Variants in PACRG observed in about 807,000 individuals in gnomAD.
PACRG encodes the protein parkin coregulated gene protein.
A neutral mutation model predicts 29.7 loss-of-function variants in PACRG; 29 were observed. That is an observed-to-expected ratio of 0.98 (90% CI 0.73 to 1.33). The LOEUF is 1.33. Ranked by LOEUF, PACRG falls within the 40% of genes most tolerant of loss-of-function variation. The pLI, the probability that PACRG is intolerant of heterozygous loss-of-function variation, is 0.00. For missense variants in PACRG, 279 were observed against 316.2 expected (o/e 0.88, Z 0.89); for synonymous variants, 116 against 118.7 (o/e 0.98, Z 0.15).
chr6:163,215,571 G>C (rs1309891138), intron 4 of PACRG, among the ~76,000 whole-genome samples: 2 of 152,166 alleles, frequency 1.3e-5, no homozygotes, highest in African/African-American at 4.8e-5. Flanking sequence ...ATGCTCATGG[G>C]ACATCGAGGT....
At chr6:162,808,305 A>G (rs1400271956) in intron 1 of PACRG, among the ~76,000 whole-genome samples, 1 of 152,220 alleles carries the variant, frequency 6.6e-6, no homozygotes, top group Non-Finnish European at 1.5e-5. Flanking sequence ...TCAGAATTTC[A>G]GATTGAACCT....
At chr6:163,094,057 A>T (rs1442709242) in intron 4 of PACRG, among the ~76,000 whole-genome samples, 1 of 152,224 alleles carries the variant, frequency 6.6e-6, no homozygotes, top group Non-Finnish European at 1.5e-5. Context: ...ACCCTCCTTG[A>T]TAACCCTCCT....
intron 2 of PACRG, among the ~76,000 whole-genome samples, chr6:162,909,943 AC>A (rs1489555186): frequency 1.3e-5 from 2 of 152,208 alleles, no homozygotes; most frequent in Non-Finnish European, 2.9e-5. Flanking sequence ...CTCTGCAAAC[AC>A]GTATATGAAG....
At chr6:162,852,327 A>C (rs1019830388) in intron 2 of PACRG, among the ~76,000 whole-genome samples, 7 of 152,148 alleles carry the variant, frequency 4.6e-5, no homozygotes, top group African/African-American at 1.7e-4. Flanking sequence ...CATCTTTCTC[A>C]GACAACTCCC....
At chr6:163,250,629 G>T (rs1361529991) in intron 4 of PACRG, among the ~76,000 whole-genome samples, 3 of 152,182 alleles carry the variant, frequency 2.0e-5, no homozygotes, top group South Asian at 4.1e-4. Context: ...ACTAGAAGTA[G>T]AACTACCATT....
chr6:163,138,036 C>T (rs1040572291), intron 4 of PACRG, among the ~76,000 whole-genome samples: 2 of 152,184 alleles, frequency 1.3e-5, no homozygotes, highest in African/African-American at 4.8e-5. Flanking sequence ...GTGCCCAGAA[C>T]GACAGTACAT....
At chr6:163,040,734 G>A (rs1808616820) in intron 2 of PACRG, among the ~76,000 whole-genome samples, 1 of 152,186 alleles carries the variant, frequency 6.6e-6, no homozygotes, top group African/African-American at 2.4e-5. Context: ...TGGCTCCTTT[G>A]TTTTGGCTAA....
In PACRG at chr6:162,777,202, T is replaced by C. The variant is rs1265460862; in HGVS notation, c.157-36945T>C. Reference sequence around the variant, plus strand: ...TTCAGGGGCCTCTTCAAAAGTTCAGTATCAGACTCACTTGGCTCCCTCGTG... The same window carrying C: ...TTCAGGGGCCTCTTCAAAAGTTCAGCATCAGACTCACTTGGCTCCCTCGTG... On this transcript the variant is annotated intron_variant, in intron 1 of 4. Coordinates refer to ENST00000366888, the MANE Select transcript of PACRG (RefSeq NM_001080379.2). The surrounding 1 kb of genome is among the most constrained non-coding windows in gnomAD (Gnocchi z 4.0). 6.6e-6 allele frequency among the ~76,000 whole-genome samples: 1 copy of C among 152,232 alleles called. No homozygotes were observed. The highest frequency in any genetic ancestry group is 1.5e-5 in the Non-Finnish European group (1 of 68,046).
rs145772759 is a variant in PACRG at position 163,231,871 on chromosome 6, A to G, written c.614-82956A>G. Among the ~76,000 whole-genome samples, 459 of 152,356 alleles carry G rather than the reference A, an allele frequency of 3.0e-3. 2 individuals are homozygous for G. Among genetic ancestry groups the G allele is most frequent in the African/African-American group, 0.01 (433 of 41,580 alleles). On this transcript the variant is annotated intron_variant, in intron 4 of 4. Transcript: ENST00000366888. ...TGGCCATGATAAACAGCCTCACCCA[A>G]GAATGCTGAGCACGCAGTTACTGTA...
At chr6:163,003,793 A>C (rs562579110) in intron 2 of PACRG, among the ~76,000 whole-genome samples, 3 of 152,202 alleles carry the variant, frequency 2.0e-5, no homozygotes, top group Non-Finnish European at 2.9e-5. Context: ...ATTTAAATAC[A>C]TTAGCCTTAA....
intron 2 of PACRG, among the ~76,000 whole-genome samples, chr6:162,935,598 A>G (rs1798178946): frequency 6.6e-6 from 1 of 151,854 alleles, no homozygotes; most frequent in African/African-American, 2.4e-5. Flanking sequence ...TGGATAATGA[A>G]TTATTTTCCT....
At chr6:162,802,549 T>C (rs879520986) in intron 1 of PACRG, among the ~76,000 whole-genome samples, 1 of 152,216 alleles carries the variant, frequency 6.6e-6, no homozygotes, top group Non-Finnish European at 1.5e-5. Context: ...TTTTCCTATT[T>C]CCAGTTACCA....
At chr6:162,745,368 A>G (rs1016676398) in intron 1 of PACRG, among the ~76,000 whole-genome samples, 5 of 151,752 alleles carry the variant, frequency 3.3e-5, no homozygotes, top group African/African-American at 1.2e-4. Flanking sequence ...GGAACAACAC[A>G]CACAGGGGCC....
At chr6:162,863,243 G>A (rs1457000592) in intron 2 of PACRG, among the ~76,000 whole-genome samples, 2 of 152,196 alleles carry the variant, frequency 1.3e-5, no homozygotes, top group Non-Finnish European at 2.9e-5. Context: ...AAGTTACTAC[G>A]TGAATAAACA....
intron 2 of PACRG, among the ~76,000 whole-genome samples, chr6:162,886,814 A>G (rs1408861613): frequency 6.6e-6 from 1 of 152,196 alleles, no homozygotes; most frequent in East Asian, 1.9e-4. Flanking sequence ...CAAGAACCCA[A>G]AATTCTAGAT....
At chr6:163,014,859 C>A (rs1321545713) in intron 2 of PACRG, among the ~76,000 whole-genome samples, 1 of 152,024 alleles carries the variant, frequency 6.6e-6, no homozygotes, top group Non-Finnish European at 1.5e-5. Context: ...TTAATTAGAT[C>A]CATTTGTCAG....
Position 163,314,937 on chromosome 6 carries a change from A to C in PACRG, c.724A>C (p.Ile242Leu), listed in dbSNP as rs763261119. Residue 242 changes from isoleucine (I) to leucine (L), a missense_variant, in exon 5 of 5, where the codon ATC (isoleucine) becomes CTC (leucine). By Grantham distance (5) the Ile-to-Leu change is conservative (BLOSUM62 2). Transcript: ENST00000366888. Reference protein sequence around the residue: ...FERYGGENAFINIKYVVPTYE... With the variant: ...FERYGGENAFLNIKYVVPTYE... ...GCGCTACGGAGGAGAAAATGCCTTT[A>C]TCAACATTAAGTACGTGGTCCCAAC... 13 of 1,614,080 alleles carry C rather than the reference A, an allele frequency of 8.1e-6. No homozygotes were observed. The highest frequency in any genetic ancestry group is 3.3e-5 in the South Asian group (3 of 91,080).
intron 2 of PACRG, among the ~76,000 whole-genome samples, chr6:163,060,121 A>G (rs115413159): frequency 0.016 from 2,469 of 152,270 alleles, 58 homozygotes; most frequent in African/African-American, 0.056. Context: ...ACCGAAGACC[A>G]AAAAATAAGA....
chr6:163,123,151 G>C (rs1298839202), intron 4 of PACRG, among the ~76,000 whole-genome samples: 24 of 152,190 alleles, frequency 1.6e-4, no homozygotes, highest in Non-Finnish European at 2.9e-5. Context: ...TGGAGGAGGC[G>C]GTGTCTGATT....
Sources: gnomAD v4.1 joint callset for allele counts (sites outside exome capture counted in the v4.1 genomes callset) on GRCh38, gnomAD v4.1.1 for gene constraint, Gnocchi (gnomAD v3.1) non-coding constraint, MANE v1.5 for transcripts, NCBI Gene and HGNC (gene_info 2026-07-23, HGNC 2026-07-21) for gene names.